The following ELP4 variants were observed in gnomAD, a reference collection of about 807,000 sequenced individuals.
ELP4 encodes the protein elongator acetyltransferase complex subunit 4.
In ELP4, 51 loss-of-function variants were observed where a neutral mutation model predicts 48.9. The ratio of observed to expected loss-of-function variants is 1.04; its 90% CI spans 0.83 to 1.32. ELP4 has a LOEUF of 1.32. Ranked by LOEUF, ELP4 falls within the 40% of genes most tolerant of loss-of-function variation. The probability of loss-of-function intolerance (pLI) is 0.00; values close to 1 mark genes in which losing one functional copy is unlikely to be tolerated. For synonymous variants in ELP4, 210 were observed against 189.2 expected (o/e 1.11, Z -0.90); for missense variants, 519 against 514.6 (o/e 1.01, Z -0.08).
intron 2 of ELP4, among the ~76,000 whole-genome samples, chr11:31,538,466 A>C (rs1956539464): frequency 6.7e-6 from 1 of 149,536 alleles, no homozygotes; most frequent in African/African-American, 2.4e-5. Flanking sequence ...ATAAAACCAA[A>C]GCCAGTAACA....
intron 1 of ELP4, among the ~76,000 whole-genome samples, chr11:31,513,528 A>G (rs931894187): frequency 2.0e-5 from 3 of 152,180 alleles, no homozygotes; most frequent in Non-Finnish European, 2.9e-5. Flanking sequence ...ATTCCTTTAT[A>G]TAGAGGTCTG....
chr11:31,614,274 G>A (rs929982541), intron 5 of ELP4, among the ~76,000 whole-genome samples: 1 of 152,032 alleles, frequency 6.6e-6, no homozygotes, highest in East Asian at 1.9e-4. Context: ...AAGGCACTGG[G>A]ACTCTTTGGA....
chr11:31,571,530 A>C (rs957069184), intron 3 of ELP4, among the ~76,000 whole-genome samples: 4 of 152,228 alleles, frequency 2.6e-5, no homozygotes, highest in African/African-American at 9.6e-5. Flanking sequence ...CTCGTGAATC[A>C]TGAATATTCT....
intron 9 of ELP4, among the ~76,000 whole-genome samples, chr11:31,742,908 T>C (rs1207258718): frequency 6.6e-6 from 1 of 152,040 alleles, no homozygotes; most frequent in East Asian, 1.9e-4. Flanking sequence ...CAATATTAAC[T>C]TTAAATGTAA....
chr11:31,711,062 G>A (rs1946733279), intron 9 of ELP4, among the ~76,000 whole-genome samples: 2 of 152,168 alleles, frequency 1.3e-5, no homozygotes, highest in African/African-American at 2.4e-5. Flanking sequence ...GATTGGATAT[G>A]AATATTTATG....
intron 5 of ELP4, among the ~76,000 whole-genome samples, chr11:31,614,879 G>GA (rs1467936900): frequency 1.3e-5 from 2 of 152,132 alleles, no homozygotes; most frequent in East Asian, 3.8e-4. Flanking sequence ...CATATTGAAG[G>GA]AGACTGAAGA....
intron 7 of ELP4, chr11:31,645,703 T>A (rs1945184342): frequency 6.6e-6 from 1 of 151,764 alleles, no homozygotes; most frequent in African/African-American, 2.4e-5. Context: ...CCTTTATAAA[T>A]GCTTGTTCAT....
At chr11:31,556,278 A>G (rs952317654) in intron 3 of ELP4, among the ~76,000 whole-genome samples, 2 of 151,944 alleles carry the variant, frequency 1.3e-5, no homozygotes, top group African/African-American at 2.4e-5. Context: ...AAAAACACAT[A>G]TAAGTATTTT....
Position 31,568,159 on chromosome 11 carries a change from A to G in ELP4, c.382-26611A>G, listed in dbSNP as rs533125015. On this transcript the variant is annotated intron_variant, in intron 3 of 9. Coordinates refer to ENST00000640961, the MANE Select transcript of ELP4 (RefSeq NM_019040.5). Reference sequence around the variant, plus strand: ...AAATCAGTAGCATTTCTATACACCAATAATCAAGCTGAGAGCCAAATCAAG... The same window carrying G: ...AAATCAGTAGCATTTCTATACACCAGTAATCAAGCTGAGAGCCAAATCAAG... Among the ~76,000 whole-genome samples the G allele has an allele frequency of 6.2e-4, 94 of 152,326 alleles. No homozygotes were observed. In the Middle Eastern group the frequency reaches 0.01, roughly 17 times the overall value.
At chr11:31,659,624 C>G (rs1252808710) in intron 9 of ELP4, among the ~76,000 whole-genome samples, 1 of 151,942 alleles carries the variant, frequency 6.6e-6, no homozygotes, top group African/African-American at 2.4e-5. Flanking sequence ...TTGAACATTT[C>G]AAATAATAAA....
intron 9 of ELP4, among the ~76,000 whole-genome samples, chr11:31,746,896 ATAAT>A (rs1947606450): frequency 1.3e-5 from 2 of 150,880 alleles, no homozygotes; most frequent in South Asian, 4.2e-4. Context: ...AATAATAATA[ATAAT>A]TTTTTTAAAA....
At chr11:31,524,744 G>C (rs756664981) in intron 2 of ELP4, among the ~76,000 whole-genome samples, 2 of 152,144 alleles carry the variant, frequency 1.3e-5, no homozygotes, top group Non-Finnish European at 2.9e-5. Flanking sequence ...AATTTGCTAA[G>C]CTATATTATT....
At chr11:31,732,469 TA>T (rs34416979) in intron 9 of ELP4, among the ~76,000 whole-genome samples, 118 of 136,594 alleles carry the variant, frequency 8.6e-4, no homozygotes, top group East Asian at 1.9e-3. Context: ...AGCATGTCAC[TA>T]AAAAAAAAAA....
At chr11:31,548,319 C>G (rs1402134380) in intron 3 of ELP4, among the ~76,000 whole-genome samples, 4 of 152,040 alleles carry the variant, frequency 2.6e-5, no homozygotes, top group Non-Finnish European at 5.9e-5. Context: ...ACAAAAATCA[C>G]AAGCATTCTT....
chr11:31,738,607 G>A (rs1345146712), intron 9 of ELP4, among the ~76,000 whole-genome samples: 6 of 151,956 alleles, frequency 3.9e-5, no homozygotes, highest in Admixed American at 2.0e-4. Flanking sequence ...ATGGTGGAAT[G>A]CGCCTATAGT....
At chr11:31,664,351 C>T (rs1204238536) in intron 9 of ELP4, 1 of 152,026 alleles carries the variant, frequency 6.6e-6, no homozygotes, top group African/African-American at 2.4e-5. Flanking sequence ...GTGACAAGTG[C>T]ATTAGGAATG....
At chr11:31,645,273 A>G (rs1343187885) in intron 7 of ELP4, among the ~76,000 whole-genome samples, 2 of 151,784 alleles carry the variant, frequency 1.3e-5, no homozygotes, top group Admixed American at 1.3e-4. Flanking sequence ...AGAATTCACT[A>G]GTTTTCCCTT....
intron 3 of ELP4, among the ~76,000 whole-genome samples, chr11:31,580,307 CTT>C (rs1347675987): frequency 6.6e-6 from 1 of 152,130 alleles, no homozygotes; most frequent in Non-Finnish European, 1.5e-5. Context: ...TTAGTATACT[CTT>C]TGAGACTTGA....
intron 2 of ELP4, among the ~76,000 whole-genome samples, chr11:31,525,536 A>G (rs1956283211): frequency 6.6e-6 from 1 of 152,202 alleles, no homozygotes; most frequent in Non-Finnish European, 1.5e-5. Context: ...ATGGAAAACA[A>G]TCAGTACACA....
Sources: gnomAD v4.1 joint callset for allele counts (sites outside exome capture counted in the v4.1 genomes callset) on GRCh38, gnomAD v4.1.1 for gene constraint, MANE v1.5 for transcripts, NCBI Gene and HGNC (gene_info 2026-07-23, HGNC 2026-07-21) for gene names.